Variants in EEF1AKMT1 observed in about 807,000 individuals in gnomAD.
The protein encoded by EEF1AKMT1 is N-6 adenine-specific DNA methyltransferase 2 (putative).
EEF1AKMT1 carries 18 observed loss-of-function variants against 21.0 expected under a neutral mutation model. That is an observed-to-expected ratio of 0.86 (90% CI 0.59 to 1.27). The LOEUF (loss-of-function observed/expected upper bound fraction) is 1.27, where lower values mean the gene tolerates loss of function less well. EEF1AKMT1 is among the 50% of genes most tolerant of loss of function. EEF1AKMT1 has a pLI of 0.00. For missense variants in EEF1AKMT1, 246 were observed against 258.6 expected, an observed-to-expected ratio of 0.95 and a Z score of 0.33; for synonymous variants, 109 against 94.8, an observed-to-expected ratio of 1.15 and a Z score of -0.87.
intron 4 of EEF1AKMT1, among the ~76,000 whole-genome samples, chr13:20,729,558 C>T (rs182021065): frequency 1.5e-4 from 23 of 152,028 alleles, no homozygotes; most frequent in African/African-American, 5.1e-4. Context: ...TTACTAAAAA[C>T]TACATTTCCC....
intron 3 of EEF1AKMT1, among the ~76,000 whole-genome samples, chr13:20,732,944 T>C (rs1265663550): frequency 6.6e-6 from 1 of 152,202 alleles, no homozygotes; most frequent in Non-Finnish European, 1.5e-5. Context: ...TCTGCTTTGC[T>C]TCTTTTTTGT....
At position 20,767,305 on chromosome 13, in the gene EEF1AKMT1, CAAAAAAA is replaced by C. The variant is rs61703956; in HGVS notation, c.-20+6609_-20+6615del. ...TGGGCGACAAAGCGAGATTCTGTCTCAAAAAAAAAAAAAAAAAAAAAAAAAAGATATT... is the reference window on the plus strand; with the variant it reads ...TGGGCGACAAAGCGAGATTCTGTCTCAAAAAAAAAAAAAAAAAAAGATATT... On this transcript the variant is annotated intron_variant, in intron 1 of 4. Transcript: ENST00000382758. Among the ~76,000 whole-genome samples the C allele has an allele frequency of 6.2e-3, 249 of 40,356 alleles. 1 individual carries two copies. Among genetic ancestry groups the C allele is most frequent in the South Asian group, 0.029 (24 of 830 alleles). The allele number at this position is 40,356 out of a possible 152,430, so 26.5% of individuals were successfully genotyped here. A position where few individuals can be genotyped will look rare whatever the true frequency, so the allele number is the denominator to read the frequency against.
At chr13:20,770,879 TA>T (rs1400734927) in intron 1 of EEF1AKMT1, among the ~76,000 whole-genome samples, 1 of 151,924 alleles carries the variant, frequency 6.6e-6, no homozygotes, top group Admixed American at 6.6e-5. Flanking sequence ...CCTTGACATA[TA>T]AATTTTTTTT....
Position 20,748,725 on chromosome 13 carries a change from G to GTTGTTGTTGTT in EEF1AKMT1, c.144+8729_144+8730insAACAACAACAA, listed in dbSNP as rs1491496241. On this transcript the variant is annotated intron_variant, in intron 2 of 4. Transcript: ENST00000382758. ...TCCTAATGTATAGTTGTTTTTTTTT[G>GTTGTTGTTGTT]GTTTTTTTTTTTTTTTTTTTTTGAG... Among the ~76,000 whole-genome samples the GTTGTTGTTGTT allele has an allele frequency of 5.6e-3, 383 of 68,254 alleles. 9 individuals carry two copies. The highest frequency in any genetic ancestry group is 6.8e-3 in the Non-Finnish European group (256 of 37,776). 44.8% of individuals were successfully genotyped at this position (68,254 alleles called of 152,430 possible). A position where few individuals can be genotyped will look rare whatever the true frequency, so the allele number is the denominator to read the frequency against.
intron 1 of EEF1AKMT1, among the ~76,000 whole-genome samples, chr13:20,760,452 C>A (rs913220882): frequency 6.6e-6 from 1 of 152,122 alleles, no homozygotes; most frequent in Non-Finnish European, 1.5e-5. Flanking sequence ...AAACCAAATA[C>A]CACATGCTCT....
Position 20,757,758 on chromosome 13 carries a change from G to GC in EEF1AKMT1, c.-19-142dup, listed in dbSNP as rs1181255442. On this transcript the variant is annotated intron_variant, in intron 1 of 4. Transcript: ENST00000382758. ...AAGTAAACCAAAAATAAAATTCTAA[G>GC]CCCCCCAGCCAACTGAATAAATCCC... 651 of 686,476 alleles carry GC rather than the reference G, an allele frequency of 9.5e-4. 3 individuals are homozygous for GC. In the African/African-American group the frequency reaches 0.01, roughly 11 times the overall value. 42.5% of individuals were successfully genotyped at this position (686,476 alleles called of 1,614,324 possible). A position where few individuals can be genotyped will look rare whatever the true frequency, so the allele number is the denominator to read the frequency against.
At chr13:20,734,377 C>T (rs546818890) in intron 3 of EEF1AKMT1, among the ~76,000 whole-genome samples, 6 of 152,204 alleles carry the variant, frequency 3.9e-5, no homozygotes, top group Admixed American at 6.5e-5. Flanking sequence ...GAAAGCCTAG[C>T]TTTGCCACTT....
At chr13:20,768,181 T>C (rs1264365534) in intron 1 of EEF1AKMT1, among the ~76,000 whole-genome samples, 1 of 152,264 alleles carries the variant, frequency 6.6e-6, no homozygotes, top group Non-Finnish European at 1.5e-5. Context: ...TTTTATGGAA[T>C]GCCAGACATT....
chr13:20,745,664 G>A (rs917210606), intron 2 of EEF1AKMT1, among the ~76,000 whole-genome samples: 1 of 152,002 alleles, frequency 6.6e-6, no homozygotes, highest in African/African-American at 2.4e-5. Flanking sequence ...GCTTGGTCAA[G>A]ATGGTGAAAC....
intron 2 of EEF1AKMT1, among the ~76,000 whole-genome samples, chr13:20,742,247 AATTTTTATTTTT>A (rs767686862): frequency 9.9e-5 from 15 of 152,080 alleles, no homozygotes; most frequent in African/African-American, 3.4e-4. Flanking sequence ...TCCTATATTT[AATTTTTATTTTT>A]ATTTTTATTT....
chr13:20,734,577 A>ATTATTTATTTATTTATTTAT (rs10594463), intron 3 of EEF1AKMT1, among the ~76,000 whole-genome samples: 21 of 147,664 alleles, frequency 1.4e-4, no homozygotes, highest in African/African-American at 4.0e-4. Flanking sequence ...TCTTTATTTT[A>ATTATTTATTTATTTATTTAT]TTATTTATTT....
At chr13:20,753,536 C>G (rs145703287) in intron 2 of EEF1AKMT1, among the ~76,000 whole-genome samples, 6 of 152,274 alleles carry the variant, frequency 3.9e-5, no homozygotes, top group African/African-American at 1.4e-4. Flanking sequence ...CCAGCTATTA[C>G]TGTATTCGTG....
intron 2 of EEF1AKMT1, among the ~76,000 whole-genome samples, chr13:20,742,119 C>A (rs1227379012): frequency 6.6e-6 from 1 of 152,122 alleles, no homozygotes; most frequent in Non-Finnish European, 1.5e-5. Context: ...AGGGCATATA[C>A]AGTTAATATT....
chr13:20,769,767 A>C (rs538347786), intron 1 of EEF1AKMT1, among the ~76,000 whole-genome samples: 1 of 152,294 alleles, frequency 6.6e-6, no homozygotes, highest in South Asian at 2.1e-4. Context: ...CACACAAAGA[A>C]ACAGGAAAGT....
intron 1 of EEF1AKMT1, among the ~76,000 whole-genome samples, chr13:20,762,105 G>A (rs1319991412): frequency 6.6e-6 from 1 of 151,798 alleles, no homozygotes; most frequent in Non-Finnish European, 1.5e-5. Context: ...TATTTTTCGG[G>A]GTCTTCCAAT....
At chr13:20,762,947 C>A (rs1475827943) in intron 1 of EEF1AKMT1, among the ~76,000 whole-genome samples, 1 of 152,310 alleles carries the variant, frequency 6.6e-6, no homozygotes, top group East Asian at 1.9e-4. Flanking sequence ...TCTTTAACCT[C>A]ATGATATAAA....
At chr13:20,769,479 A>T (rs1426309052) in intron 1 of EEF1AKMT1, 1 of 152,230 alleles carries the variant, frequency 6.6e-6, no homozygotes, top group Non-Finnish European at 1.5e-5. Context: ...TCCCTTCGGG[A>T]AGCCAGATAT....
intron 2 of EEF1AKMT1, among the ~76,000 whole-genome samples, chr13:20,744,627 T>C (rs927575516): frequency 2.6e-5 from 4 of 152,262 alleles, no homozygotes; most frequent in Non-Finnish European, 5.9e-5. Context: ...TCTCCCATTC[T>C]GTAGGCTGCT....
At chr13:20,744,701 G>A (rs9578311) in intron 2 of EEF1AKMT1, among the ~76,000 whole-genome samples, 13,215 of 152,182 alleles carry the variant, frequency 0.087, 782 homozygotes, top group Non-Finnish European at 0.13. Context: ...GATCCCATTT[G>A]CCAATTTTGG....
Sources: gnomAD v4.1 joint callset for allele counts (sites outside exome capture counted in the v4.1 genomes callset) on GRCh38, gnomAD v4.1.1 for gene constraint, MANE v1.5 for transcripts, NCBI Gene and HGNC (gene_info 2026-07-23, HGNC 2026-07-21) for gene names.